The following CSMD1 variants were observed in gnomAD, a reference collection of about 807,000 sequenced individuals.
CSMD1 encodes the protein CUB and Sushi multiple domains 1.
A neutral mutation model predicts 417.5 loss-of-function variants in CSMD1; 213 were observed. The ratio of observed to expected loss-of-function variants is 0.51; its 90% confidence interval spans 0.46 to 0.57. The LOEUF is 0.57. Ranked by LOEUF, CSMD1 falls within the 20% of genes least tolerant of loss-of-function variation. The probability of loss-of-function intolerance (pLI) is 0.00; values close to 1 mark genes in which losing one functional copy is unlikely to be tolerated. For missense variants in CSMD1, 6,923 were observed against 4,529.7 expected, an observed-to-expected ratio of 1.53 and a Z score of -15.17; for synonymous variants, 2,862 against 1,736.8, an observed-to-expected ratio of 1.65 and a Z score of -16.11.
At chr8:3,514,192 G>C (rs1014666043) in intron 10 of CSMD1, among the ~76,000 whole-genome samples, 2 of 152,098 alleles carry the variant, frequency 1.3e-5, no homozygotes, top group Non-Finnish European at 2.9e-5. Flanking sequence ...CCCTCATGAA[G>C]ACATGCTCTT....
chr8:4,100,248 G>C (rs148384362), intron 3 of CSMD1, among the ~76,000 whole-genome samples: 4 of 152,144 alleles, frequency 2.6e-5, no homozygotes, highest in African/African-American at 7.2e-5. Flanking sequence ...GAAAACAGTA[G>C]GCATGCAGTT....
At chr8:3,020,949 T>C (rs1809319814) in intron 51 of CSMD1, among the ~76,000 whole-genome samples, 1 of 152,230 alleles carries the variant, frequency 6.6e-6, no homozygotes, top group South Asian at 2.1e-4. Flanking sequence ...TTTTTACAAT[T>C]TGTTATAAAC....
chr8:4,641,608 G>C (rs1025556039), intron 1 of CSMD1, among the ~76,000 whole-genome samples: 1 of 152,144 alleles, frequency 6.6e-6, no homozygotes, highest in Non-Finnish European at 1.5e-5. Context: ...AATGAATCAA[G>C]GTCTTCTGAC....
intron 69 of CSMD1, 56 bp downstream of exon 69, chr8:2,942,416 T>C (rs1801940332): frequency 6.6e-7 from 1 of 1,509,116 alleles, no homozygotes; most frequent in Non-Finnish European, 9.1e-7. Flanking sequence ...GCCCATTACT[T>C]TAAACCCATA....
chr8:4,543,671 GAAAAAAAAA>G (rs35739254), intron 2 of CSMD1, among the ~76,000 whole-genome samples: 12 of 57,318 alleles, frequency 2.1e-4, no homozygotes, highest in Non-Finnish European at 2.8e-4. Flanking sequence ...GTTTAATTTT[GAAAAAAAAA>G]AAAAAAAAAA....
chr8:3,119,981 T>C (rs1817102094), intron 41 of CSMD1, among the ~76,000 whole-genome samples: 1 of 152,134 alleles, frequency 6.6e-6, no homozygotes, highest in East Asian at 1.9e-4. Flanking sequence ...CTGTGGAGAA[T>C]GAAGTGAAAT....
At chr8:4,356,055 C>G (rs1301439785) in intron 3 of CSMD1, among the ~76,000 whole-genome samples, 5 of 152,138 alleles carry the variant, frequency 3.3e-5, no homozygotes, top group Admixed American at 2.6e-4. Flanking sequence ...GCACTCATCA[C>G]CTGAGCAGTG....
chr8:3,305,244 T>A (rs1205143725), intron 25 of CSMD1, among the ~76,000 whole-genome samples: 1 of 152,142 alleles, frequency 6.6e-6, no homozygotes, highest in Non-Finnish European at 1.5e-5. Context: ...AAATATTAAA[T>A]TCTGTTACTC....
chr8:4,945,866 G>A (rs1167648734), intron 1 of CSMD1, among the ~76,000 whole-genome samples: 5 of 152,112 alleles, frequency 3.3e-5, no homozygotes. Flanking sequence ...AGCAGGATTT[G>A]GCAGACAATC....
intron 6 of CSMD1, among the ~76,000 whole-genome samples, chr8:3,753,084 G>A (rs1448882289): frequency 3.3e-5 from 5 of 152,170 alleles, no homozygotes; most frequent in African/African-American, 1.2e-4. Context: ...TAATTTCTCT[G>A]GCACTGCAGG....
chr8:3,912,105 T>G (rs971691065), intron 5 of CSMD1, among the ~76,000 whole-genome samples: 4 of 152,208 alleles, frequency 2.6e-5, no homozygotes, highest in Non-Finnish European at 4.4e-5. Flanking sequence ...ATATAACAGC[T>G]TGTCCAATTC....
At chr8:3,307,074 G>C (rs1215671334) in intron 25 of CSMD1, among the ~76,000 whole-genome samples, 2 of 152,084 alleles carry the variant, frequency 1.3e-5, no homozygotes, top group Admixed American at 6.6e-5. Context: ...CTGCACACAA[G>C]TCTTTTTAAA....
At chr8:3,680,193 A>T (rs1006207115) in intron 7 of CSMD1, among the ~76,000 whole-genome samples, 6 of 152,184 alleles carry the variant, frequency 3.9e-5, no homozygotes, top group Non-Finnish European at 7.3e-5. Flanking sequence ...ATCAGAGCAG[A>T]AATGAAGGAG....
intron 7 of CSMD1, among the ~76,000 whole-genome samples, chr8:3,682,746 T>C (rs776351265): frequency 6.6e-6 from 1 of 152,212 alleles, no homozygotes; most frequent in Non-Finnish European, 1.5e-5. Context: ...TGCACACGTA[T>C]GTTTATTGCG....
chr8:3,588,391 G>C (rs1800696577), intron 8 of CSMD1, among the ~76,000 whole-genome samples: 1 of 152,180 alleles, frequency 6.6e-6, no homozygotes, highest in Non-Finnish European at 1.5e-5. Flanking sequence ...GGTAGGAAGA[G>C]TTGGAATTTC....
intron 5 of CSMD1, among the ~76,000 whole-genome samples, chr8:3,813,556 G>T (rs1045342973): frequency 6.6e-6 from 1 of 152,082 alleles, no homozygotes; most frequent in South Asian, 2.1e-4. Flanking sequence ...CACAACGTAG[G>T]AGTCTATAAC....
chr8:3,250,762 G>C (rs1465961764), intron 26 of CSMD1, among the ~76,000 whole-genome samples: 6 of 152,162 alleles, frequency 3.9e-5, no homozygotes, highest in Admixed American at 1.3e-4. Context: ...ATTCTAACTG[G>C]TGTGAGACGA....
chr8:3,080,902 C>T (rs890266541), intron 49 of CSMD1, among the ~76,000 whole-genome samples: 1 of 151,980 alleles, frequency 6.6e-6, no homozygotes, highest in Non-Finnish European at 1.5e-5. Context: ...AGTAATTTTT[C>T]TCTAAAAATA....
intron 1 of CSMD1, among the ~76,000 whole-genome samples, chr8:4,683,368 G>A (rs1363229360): frequency 2.6e-5 from 4 of 152,046 alleles, no homozygotes; most frequent in African/African-American, 4.8e-5. Context: ...TCTCCAAGCC[G>A]AAACCCTCTT....
Sources: allele counts gnomAD v4.1 joint callset (sites outside exome capture counted in the v4.1 genomes callset), GRCh38; gene constraint gnomAD v4.1.1; transcripts MANE v1.5; gene names NCBI Gene and HGNC (gene_info 2026-07-23, HGNC 2026-07-21).